The following MYL4 variants were observed in gnomAD, a reference collection of about 807,000 sequenced individuals.
MYL4 encodes myosin light chain 4.
A neutral mutation model predicts 21.6 loss-of-function variants in MYL4; 16 were observed. The ratio of observed to expected loss-of-function variants is 0.74; its 90% CI spans 0.50 to 1.12. The LOEUF is 1.12. Ranked by LOEUF, MYL4 falls within the 50% of genes most tolerant of loss-of-function variation. The pLI is 0.00. For missense variants in MYL4, 249 were observed against 252.9 expected, an observed-to-expected ratio of 0.98 and a Z score of 0.11; for synonymous variants, 82 against 95.7, an observed-to-expected ratio of 0.86 and a Z score of 0.83.
chr17:47,205,125 A>G (rs1274446464), upstream of MYL4, among the ~76,000 whole-genome samples: 1 of 152,118 alleles, frequency 6.6e-6, no homozygotes, highest in Non-Finnish European at 1.5e-5. Flanking sequence ...TCCTTTGTGC[A>G]TTTGTGTCCG....
At chr17:47,214,837 T>C (rs1789608655) in intron 2 of MYL4, among the ~76,000 whole-genome samples, 1 of 152,218 alleles carries the variant, frequency 6.6e-6, no homozygotes, top group Non-Finnish European at 1.5e-5. Flanking sequence ...ATACTTGGAT[T>C]TAATAATATA....
At chr17:47,193,026 G>C in the MYL4 span, among the ~76,000 whole-genome samples, 1 of 152,126 alleles carries the variant, frequency 6.6e-6, no homozygotes, top group African/African-American at 2.4e-5. Flanking sequence ...GATATCAGTA[G>C]CAAAATGTAG....
At chr17:47,191,550 G>A in the MYL4 span, among the ~76,000 whole-genome samples, 4 of 152,016 alleles carry the variant, frequency 2.6e-5, no homozygotes, top group Non-Finnish European at 4.4e-5. Flanking sequence ...GGCTGACTGC[G>A]TCCTCCGCCT....
At chr17:47,199,720 G>A (rs1406038441), upstream of MYL4, among the ~76,000 whole-genome samples, 1 of 139,604 alleles carries the variant, frequency 7.2e-6, no homozygotes, top group Non-Finnish European at 1.5e-5. Flanking sequence ...CTCAATACAT[G>A]TTAGTTGTAG....
At chr17:47,204,929 G>A (rs534074867), upstream of MYL4, among the ~76,000 whole-genome samples, 4 of 152,310 alleles carry the variant, frequency 2.6e-5, no homozygotes, top group African/African-American at 9.6e-5. Context: ...AGAGAAGAGA[G>A]AGAGAGGGTG....
upstream of MYL4, among the ~76,000 whole-genome samples, chr17:47,208,607 G>C (rs2097680807): frequency 6.6e-6 from 1 of 151,674 alleles, no homozygotes. Flanking sequence ...GAATGAGTTA[G>C]AGGTAAAGTG....
chr17:47,208,611 T>A (rs1315051682), upstream of MYL4, among the ~76,000 whole-genome samples: 1 of 147,552 alleles, frequency 6.8e-6, no homozygotes, highest in African/African-American at 2.5e-5. Flanking sequence ...GAGTTAGAGG[T>A]AAAGTGAAAA....
upstream of MYL4, among the ~76,000 whole-genome samples, chr17:47,195,774 G>T (rs2064687322): frequency 6.6e-6 from 1 of 152,120 alleles, no homozygotes. Context: ...GCTCCTCTGG[G>T]ATAGCTTGGC....
upstream of MYL4, among the ~76,000 whole-genome samples, chr17:47,204,944 G>A (rs1195571023): frequency 1.3e-5 from 2 of 152,182 alleles, no homozygotes; most frequent in Non-Finnish European, 2.9e-5. Flanking sequence ...AGGGTGACAG[G>A]AACAAGGCAT....
chr17:47,199,674 C>CAAAAA (rs34989806), upstream of MYL4, among the ~76,000 whole-genome samples: 1 of 127,424 alleles, frequency 7.8e-6, no homozygotes, highest in Non-Finnish European at 1.7e-5. Flanking sequence ...GACCCTGTCT[C>CAAAAA]AAAAAAAAAA....
chr17:47,198,724 C>T (rs2064698520), upstream of MYL4, among the ~76,000 whole-genome samples: 2 of 152,168 alleles, frequency 1.3e-5, no homozygotes, highest in East Asian at 1.9e-4. Flanking sequence ...CAGTAGCTCA[C>T]GCCTGTGATC....
intron 2 of MYL4, among the ~76,000 whole-genome samples, chr17:47,217,671 C>A (rs965355807): frequency 2.0e-5 from 3 of 152,130 alleles, no homozygotes; most frequent in Non-Finnish European, 2.9e-5. Flanking sequence ...AAAATTTTTA[C>A]ATACATTATT....
At chr17:47,216,238 G>A (rs2064813158) in intron 2 of MYL4, among the ~76,000 whole-genome samples, 1 of 151,394 alleles carries the variant, frequency 6.6e-6, no homozygotes, top group Non-Finnish European at 1.5e-5. Context: ...CCACACTACT[G>A]CAGATTATTG....
upstream of MYL4, among the ~76,000 whole-genome samples, chr17:47,207,218 G>T (rs1230940425): frequency 2.0e-5 from 3 of 152,096 alleles, no homozygotes; most frequent in Non-Finnish European, 2.9e-5. Flanking sequence ...CCTTTTTCCT[G>T]CCCGTTTCCT....
rs764371297 is a variant in MYL4 at position 47,209,490 on chromosome 17, C to G, written c.68C>G (p.Pro23Arg). The G allele has an allele frequency of 6.2e-7, 1 of 1,614,214 alleles. No individual in the cohort carries two copies. Among genetic ancestry groups the G allele is most frequent in the South Asian group, 1.1e-5 (1 of 91,078 alleles). ...AKPAPAPAPA[P>R]APAPAPAPEA... ...CCAGCTCCAGCTCCAGCTCCAGCCCCTGCACCAGCCCCTGCCCCAGCTCCT... is the reference window on the plus strand; with the variant it reads ...CCAGCTCCAGCTCCAGCTCCAGCCCGTGCACCAGCCCCTGCCCCAGCTCCT... Residue 23 changes from proline to arginine, a missense_variant, in exon 1 of 7, where the codon CCT becomes CGT. Coordinates refer to ENST00000393450, the MANE Select transcript of MYL4 (RefSeq NM_002476.2).
At chr17:47,206,925 G>A (rs986867975), upstream of MYL4, among the ~76,000 whole-genome samples, 11 of 152,140 alleles carry the variant, frequency 7.2e-5, no homozygotes, top group African/African-American at 2.7e-4. Flanking sequence ...GGAGGGCCTG[G>A]GCTTCCACTT....
chr17:47,208,550 T>TACACACACAC (rs55886095), upstream of MYL4, among the ~76,000 whole-genome samples: 64 of 145,966 alleles, frequency 4.4e-4, no homozygotes, highest in African/African-American at 1.2e-3. Flanking sequence ...TAGTAAGCAC[T>TACACACACAC]ACACACACAC....
At chr17:47,218,389 T>C (rs149547482) in intron 2 of MYL4, among the ~76,000 whole-genome samples, 96 of 152,332 alleles carry the variant, frequency 6.3e-4, no homozygotes, top group African/African-American at 2.2e-3. Flanking sequence ...GCTTATACTG[T>C]TCATCTGCTT....
downstream of MYL4, among the ~76,000 whole-genome samples, chr17:47,227,395 T>A (rs1002295748): frequency 2.0e-5 from 3 of 152,234 alleles, no homozygotes; most frequent in African/African-American, 4.8e-5. Flanking sequence ...TAGACTGACT[T>A]CCACTATTTC....
Sources: allele counts gnomAD v4.1 joint callset (sites outside exome capture counted in the v4.1 genomes callset), GRCh38; gene constraint gnomAD v4.1.1; transcripts MANE v1.5; gene names NCBI Gene and HGNC (gene_info 2026-07-23, HGNC 2026-07-21).